Variants in RPS6KA6 observed in about 807,000 individuals in gnomAD.
RPS6KA6 encodes the protein ribosomal protein S6 kinase alpha-6.
Under a neutral mutation model 65.4 loss-of-function variants are expected in RPS6KA6, and 27 were observed. The ratio of observed to expected loss-of-function variants is 0.41; its 90% CI spans 0.30 to 0.57. The LOEUF is 0.57. RPS6KA6 is among the 20% of genes least tolerant of loss of function. RPS6KA6 has a pLI of 0.24. For missense variants in RPS6KA6, 486 were observed against 555.6 expected (o/e 0.87, Z 1.26); for synonymous variants, 190 against 184.2 (o/e 1.03, Z -0.26).
intron 8 of RPS6KA6, among the ~76,000 whole-genome samples, chrX:84,121,399 T>A (rs2034669145): frequency 8.9e-6 from 1 of 112,383 alleles, no homozygotes; most frequent in African/African-American, 3.2e-5. Context: ...GGTAAGGAAC[T>A]GTATTTATTG....
intron 18 of RPS6KA6, among the ~76,000 whole-genome samples, chrX:84,101,215 A>G (rs944406606): frequency 9.0e-6 from 1 of 111,464 alleles, no homozygotes; most frequent in Non-Finnish European, 1.9e-5. Flanking sequence ...TCCATAACAT[A>G]TAAGAACAGC....
intron 8 of RPS6KA6, among the ~76,000 whole-genome samples, chrX:84,124,820 T>C (rs943244149): frequency 9.0e-6 from 1 of 111,058 alleles, no homozygotes; most frequent in African/African-American, 3.3e-5. Context: ...TTATAGAACA[T>C]CCAACAGATT....
At chrX:84,178,923 C>A (rs1464310960) in intron 1 of RPS6KA6, among the ~76,000 whole-genome samples, 2 of 109,868 alleles carry the variant, frequency 1.8e-5, no homozygotes, top group African/African-American at 6.6e-5. Flanking sequence ...AAAAAAAAAA[C>A]TGATAAACTG....
chrX:84,137,563 A>C (rs2147520641), intron 6 of RPS6KA6, among the ~76,000 whole-genome samples: 1 of 111,895 alleles, frequency 8.9e-6, no homozygotes, highest in Non-Finnish European at 1.9e-5. Flanking sequence ...AGGTTATAGT[A>C]ATTTCCACTC....
chrX:84,163,976 A>G (rs1178383246), intron 2 of RPS6KA6, among the ~76,000 whole-genome samples: 1 of 112,156 alleles, frequency 8.9e-6, no homozygotes, highest in Non-Finnish European at 1.9e-5. Context: ...TATCCTTTCT[A>G]CCCTGAGGTT....
In RPS6KA6 at chrX:84,061,033, G is replaced by GA. The variant is rs2033294311; in HGVS notation, c.*3243dup. 2 of 112,238 alleles carry GA rather than the reference G, an allele frequency of 1.8e-5. No homozygotes were observed. Among genetic ancestry groups the GA allele is most frequent in the Admixed American group, 1.9e-4 (2 of 10,583 alleles). The allele number at this position is 112,238 out of a possible 1,213,427, so 9.2% of individuals were successfully genotyped here. A position where few individuals can be genotyped will look rare whatever the true frequency, so the allele number is the denominator to read the frequency against. On this transcript the variant is annotated 3_prime_UTR_variant, in exon 22 of 22. Coordinates refer to ENST00000262752, the MANE Select transcript of RPS6KA6 (RefSeq NM_014496.5). ...AAGGATCACACAGAATCCTTCTGGG[G>GA]ATAGGGTAAATTTCGTTGATGGAGT...
intron 1 of RPS6KA6, among the ~76,000 whole-genome samples, chrX:84,184,924 G>C (rs1216444943): frequency 1.9e-5 from 2 of 107,463 alleles, no homozygotes; most frequent in African/African-American, 3.4e-5. Context: ...ACTATGATAT[G>C]AAATGTGAAA....
intron 20 of RPS6KA6, among the ~76,000 whole-genome samples, chrX:84,094,299 C>A (rs1186966375): frequency 2.9e-5 from 2 of 67,967 alleles, no homozygotes; most frequent in Non-Finnish European, 5.4e-5. Flanking sequence ...GGGCTAACTG[C>A]CTTAAAGGGA....
chrX:84,126,021 T>C (rs1413331679), intron 8 of RPS6KA6, among the ~76,000 whole-genome samples: 1 of 111,197 alleles, frequency 9.0e-6, no homozygotes, highest in Non-Finnish European at 1.9e-5. Flanking sequence ...AATAACATTT[T>C]ATGTAAATGG....
chrX:84,124,111 TA>T (rs1216442622), intron 8 of RPS6KA6, among the ~76,000 whole-genome samples: 2 of 111,589 alleles, frequency 1.8e-5, no homozygotes, highest in Non-Finnish European at 3.8e-5. Flanking sequence ...TAGGAGCCTA[TA>T]AAACCACAGC....
chrX:84,163,581 G>A (rs1008436912), intron 2 of RPS6KA6, among the ~76,000 whole-genome samples: 188 of 100,779 alleles, frequency 1.9e-3, no homozygotes, highest in African/African-American at 6.7e-3. Flanking sequence ...GGAGCTTGCA[G>A]TGAGCCGAGA....
At chrX:84,177,609 T>C (rs2035791290) in intron 1 of RPS6KA6, among the ~76,000 whole-genome samples, 1 of 111,802 alleles carries the variant, frequency 8.9e-6, no homozygotes, top group Non-Finnish European at 1.9e-5. Flanking sequence ...ATTAGCACAA[T>C]ATTCTCAATA....
intron 3 of RPS6KA6, among the ~76,000 whole-genome samples, chrX:84,153,294 T>C (rs1033318036): frequency 8.9e-6 from 1 of 111,864 alleles, no homozygotes. Flanking sequence ...AAAATGTATG[T>C]TTTATATAAA....
chrX:84,078,900 A>G (rs1734386231), intron 20 of RPS6KA6, among the ~76,000 whole-genome samples: 1 of 111,209 alleles, frequency 9.0e-6, no homozygotes, highest in Non-Finnish European at 1.9e-5. Context: ...GGGTGTGTAT[A>G]TATGTCATAA....
intron 20 of RPS6KA6, among the ~76,000 whole-genome samples, chrX:84,081,785 T>G (rs765019874): frequency 7.2e-5 from 8 of 111,775 alleles, no homozygotes; most frequent in African/African-American, 2.3e-4. Context: ...GTAAGGTTGG[T>G]TCAACATATG....
At chrX:84,162,892 T>G (rs1188525337) in intron 2 of RPS6KA6, among the ~76,000 whole-genome samples, 2 of 112,225 alleles carry the variant, frequency 1.8e-5, no homozygotes, top group Non-Finnish European at 3.8e-5. Flanking sequence ...AATTACAATA[T>G]ATTATTAATA....
intron 20 of RPS6KA6, among the ~76,000 whole-genome samples, chrX:84,090,827 G>A (rs1235053025): frequency 4.5e-5 from 5 of 111,631 alleles, no homozygotes; most frequent in African/African-American, 6.5e-5. Context: ...AGGTAATAAG[G>A]TTCTGTATAC....
At chrX:84,147,307 T>TTTG (rs1047907653) in intron 4 of RPS6KA6, among the ~76,000 whole-genome samples, 2 of 111,435 alleles carry the variant, frequency 1.8e-5, no homozygotes, top group Admixed American at 9.6e-5. Flanking sequence ...GTGTTCATCT[T>TTTG]TTGTTGTTGT....
chrX:84,136,523 T>G (rs2147518127), intron 6 of RPS6KA6, among the ~76,000 whole-genome samples: 1 of 111,943 alleles, frequency 8.9e-6, no homozygotes, highest in Admixed American at 9.5e-5. Flanking sequence ...CACTTTCACT[T>G]GACTTTTTAT....
Sources: allele counts gnomAD v4.1 joint callset (sites outside exome capture counted in the v4.1 genomes callset), GRCh38; gene constraint gnomAD v4.1.1; transcripts MANE v1.5; gene names NCBI Gene and HGNC (gene_info 2026-07-23, HGNC 2026-07-21).